The following CDK14 variants were observed in gnomAD, a reference collection of about 807,000 sequenced individuals.
CDK14 encodes the protein cyclin-dependent kinase 14.
CDK14 carries 34 observed loss-of-function variants against 60.7 expected under a neutral mutation model. That is an observed-to-expected ratio of 0.56 (90% CI 0.43 to 0.75). CDK14 has a LOEUF of 0.75. CDK14 is among the 30% of genes least tolerant of loss of function. The pLI is 0.00. For missense variants in CDK14, 482 were observed against 564.1 expected (o/e 0.85, Z 1.47); for synonymous variants, 197 against 203.7 (o/e 0.97, Z 0.28).
intron 6 of CDK14, among the ~76,000 whole-genome samples, chr7:90,898,268 T>C (rs1373159231): frequency 6.6e-6 from 1 of 152,096 alleles, no homozygotes; most frequent in African/African-American, 2.4e-5. Flanking sequence ...TGACTAGTGT[T>C]GTGCCTGGAA....
chr7:90,638,255 G>C (rs1451154162), intron 2 of CDK14, among the ~76,000 whole-genome samples: 3 of 152,314 alleles, frequency 2.0e-5, no homozygotes, highest in African/African-American at 7.2e-5. Context: ...GCATGATTTT[G>C]CAGCAGCTGG....
intron 2 of CDK14, among the ~76,000 whole-genome samples, chr7:90,665,075 T>C (rs1486239166): frequency 6.6e-6 from 1 of 151,310 alleles, no homozygotes; most frequent in African/African-American, 2.4e-5. Flanking sequence ...GGGTCAGGAG[T>C]TCGAGACCAG....
chr7:90,974,358 G>A (rs1008086270), intron 9 of CDK14, among the ~76,000 whole-genome samples: 8 of 152,036 alleles, frequency 5.3e-5, no homozygotes, highest in African/African-American at 1.4e-4. Context: ...GTCCTGAGGC[G>A]ACATACATCC....
intron 2 of CDK14, among the ~76,000 whole-genome samples, chr7:90,695,386 C>G (rs1801634602): frequency 6.6e-6 from 1 of 152,182 alleles, no homozygotes; most frequent in Non-Finnish European, 1.5e-5. Context: ...TGTATATTCT[C>G]TACCTTGGTA....
chr7:90,743,893 C>T (rs907533100), intron 3 of CDK14, among the ~76,000 whole-genome samples: 1 of 151,488 alleles, frequency 6.6e-6, no homozygotes, highest in Non-Finnish European at 1.5e-5. Flanking sequence ...TAGCATATTG[C>T]TAGATTTTCT....
chr7:90,846,438 G>C (rs1041311425), intron 5 of CDK14, among the ~76,000 whole-genome samples: 1 of 152,190 alleles, frequency 6.6e-6, no homozygotes, highest in Non-Finnish European at 1.5e-5. Flanking sequence ...CTGCCAGTCT[G>C]TGCTGTTGCT....
At chr7:91,113,796 G>A (rs1799536989) in intron 13 of CDK14, among the ~76,000 whole-genome samples, 1 of 151,774 alleles carries the variant, frequency 6.6e-6, no homozygotes, top group Non-Finnish European at 1.5e-5. Flanking sequence ...AACTCCTCTT[G>A]GGTATTTCTA....
intron 10 of CDK14, among the ~76,000 whole-genome samples, chr7:91,040,168 C>T (rs550475734): frequency 5.9e-5 from 9 of 152,220 alleles, no homozygotes; most frequent in African/African-American, 2.2e-4. Flanking sequence ...CCTGCCCTGT[C>T]TGCAGCACAT....
At position 91,094,336 on chromosome 7, in the gene CDK14, G is replaced by A. The variant is rs79603838; in HGVS notation, c.1154+14856G>A. On this transcript the variant is annotated intron_variant, in intron 12 of 14. Coordinates refer to ENST00000380050, the MANE Select transcript of CDK14 (RefSeq NM_001287135.2). ...ATTTTCAGGGATGTACTCTAATTTG[G>A]GAAAGAATATTGCAGTCCTAAGGGA... 2.3e-3 allele frequency among the ~76,000 whole-genome samples: 345 copies of A among 152,088 alleles called. 1 individual carries two copies. The highest frequency in any genetic ancestry group is 3.6e-3 in the Non-Finnish European group (244 of 67,984).
intron 4 of CDK14, among the ~76,000 whole-genome samples, chr7:90,777,192 G>A (rs1426013777): frequency 6.6e-6 from 1 of 152,146 alleles, no homozygotes; most frequent in East Asian, 1.9e-4. Flanking sequence ...GTTGGATGAT[G>A]TGCTGTTGCT....
intron 10 of CDK14, among the ~76,000 whole-genome samples, chr7:90,998,368 A>T (rs911411915): frequency 2.6e-5 from 4 of 152,254 alleles, no homozygotes; most frequent in Non-Finnish European, 5.9e-5. Flanking sequence ...GAATAAAAAC[A>T]GAATACTGTC....
chr7:90,957,085 G>A (rs973344536), intron 9 of CDK14, among the ~76,000 whole-genome samples: 2 of 150,082 alleles, frequency 1.3e-5, no homozygotes, highest in African/African-American at 2.5e-5. Flanking sequence ...ACGTGTGCAT[G>A]TGTCTTTATA....
At chr7:90,697,999 T>G (rs1584800381) in intron 2 of CDK14, among the ~76,000 whole-genome samples, 4 of 126,900 alleles carry the variant, frequency 3.2e-5, no homozygotes, top group Admixed American at 3.1e-4. Flanking sequence ...ACCCAGGAGG[T>G]GGAGCTTTCA....
chr7:90,758,807 G>A (rs866860724), intron 4 of CDK14, among the ~76,000 whole-genome samples: 1 of 152,220 alleles, frequency 6.6e-6, no homozygotes, highest in Non-Finnish European at 1.5e-5. Context: ...TGCTATCCCA[G>A]CACTTTGCAA....
chr7:90,731,507 T>G (rs531734132), intron 3 of CDK14, among the ~76,000 whole-genome samples: 47 of 152,306 alleles, frequency 3.1e-4, no homozygotes, highest in African/African-American at 8.4e-4. Flanking sequence ...TTTTGTCCTC[T>G]TATTTCTTTC....
At chr7:91,090,797 C>G (rs1181453726) in intron 12 of CDK14, among the ~76,000 whole-genome samples, 3 of 152,064 alleles carry the variant, frequency 2.0e-5, no homozygotes, top group South Asian at 2.1e-4. Context: ...CTTGGGTATC[C>G]AGAATGGAGT....
intron 11 of CDK14, among the ~76,000 whole-genome samples, chr7:91,058,364 T>C (rs1347247350): frequency 6.6e-6 from 1 of 152,234 alleles, no homozygotes; most frequent in East Asian, 1.9e-4. Context: ...AGGGACAATT[T>C]GGCTTCCTCT....
chr7:90,681,348 C>G (rs377174185), intron 2 of CDK14, among the ~76,000 whole-genome samples: 2 of 152,088 alleles, frequency 1.3e-5, no homozygotes, highest in African/African-American at 4.8e-5. Flanking sequence ...GTACTTAGTT[C>G]GCTTGTTTGA....
chr7:91,026,805 TC>T (rs1690902193), intron 10 of CDK14, among the ~76,000 whole-genome samples: 1 of 152,178 alleles, frequency 6.6e-6, no homozygotes, highest in South Asian at 2.1e-4. Flanking sequence ...TGAGGCCCCC[TC>T]CTCCTAACTC....
Sources: allele counts gnomAD v4.1 joint callset (sites outside exome capture counted in the v4.1 genomes callset), GRCh38; gene constraint gnomAD v4.1.1; transcripts MANE v1.5; gene names NCBI Gene and HGNC (gene_info 2026-07-23, HGNC 2026-07-21).